The following ZC3H12B variants were observed in gnomAD, a reference collection of about 807,000 sequenced individuals.
ZC3H12B encodes the protein probable ribonuclease ZC3H12B.
ZC3H12B carries 7 observed loss-of-function variants against 43.9 expected under a neutral mutation model. The ratio of observed to expected loss-of-function variants is 0.16; its 90% confidence interval spans 0.09 to 0.30. The LOEUF (loss-of-function observed/expected upper bound fraction) is 0.30. Ranked by LOEUF, ZC3H12B falls within the 10% of genes least tolerant of loss-of-function variation. The probability of loss-of-function intolerance (pLI) is 1.00; values close to 1 mark genes in which losing one functional copy is unlikely to be tolerated. For missense variants in ZC3H12B, 475 were observed against 670.2 expected, an observed-to-expected ratio of 0.71 and a Z score of 3.22; for synonymous variants, 222 against 241.7, an observed-to-expected ratio of 0.92 and a Z score of 0.76.
At chrX:65,345,558 A>G in the ZC3H12B span, among the ~76,000 whole-genome samples, 2 of 111,339 alleles carry the variant, frequency 1.8e-5, no homozygotes, top group Non-Finnish European at 3.8e-5. Flanking sequence ...GGAGTGTGGG[A>G]GGAGGGAGAA....
chrX:65,132,808 A>G, the ZC3H12B span, among the ~76,000 whole-genome samples: 2 of 111,082 alleles, frequency 1.8e-5, no homozygotes, highest in Non-Finnish European at 3.8e-5. Context: ...GTAGTGATTA[A>G]GAAGGGGACG....
the ZC3H12B span, among the ~76,000 whole-genome samples, chrX:65,144,192 G>C: frequency 9.0e-6 from 1 of 111,573 alleles, no homozygotes; most frequent in Non-Finnish European, 1.9e-5. Flanking sequence ...TTATTGGTCT[G>C]TTCAAGGTAT....
At chrX:65,459,760 G>A (rs1477177254) in intron 3 of ZC3H12B, among the ~76,000 whole-genome samples, 1 of 111,536 alleles carries the variant, frequency 9.0e-6, no homozygotes, top group Non-Finnish European at 1.9e-5. Context: ...CATACTGAAT[G>A]GGCAAAAACT....
the ZC3H12B span, among the ~76,000 whole-genome samples, chrX:65,259,394 C>A: frequency 2.7e-5 from 3 of 111,950 alleles, no homozygotes; most frequent in Admixed American, 1.9e-4. Context: ...CCTCTTTACA[C>A]CTTATATGAA....
chrX:65,317,688 G>A, the ZC3H12B span, among the ~76,000 whole-genome samples: 3 of 106,307 alleles, frequency 2.8e-5, no homozygotes, highest in Non-Finnish European at 5.8e-5. Flanking sequence ...TTCCATCCAG[G>A]TTGCTGCCAA....
At chrX:65,459,981 C>T (rs35033971) in intron 3 of ZC3H12B, among the ~76,000 whole-genome samples, 10,188 of 111,627 alleles carry the variant, frequency 0.091, 533 homozygotes, top group Non-Finnish European at 0.14. Context: ...CCCAAAATCT[C>T]CTTAAGCTGA....
At chrX:65,065,011 C>T in the ZC3H12B span, among the ~76,000 whole-genome samples, 9 of 110,391 alleles carry the variant, frequency 8.2e-5, no homozygotes, top group Non-Finnish European at 1.1e-4. Context: ...TTTCTCCATC[C>T]CTTTATTTTC....
chrX:65,169,824 A>G, the ZC3H12B span, among the ~76,000 whole-genome samples: 2 of 111,499 alleles, frequency 1.8e-5, no homozygotes, highest in African/African-American at 3.3e-5. Context: ...TTGTTGGTTT[A>G]AAGTCTGTTT....
chrX:65,188,150 A>G, the ZC3H12B span, among the ~76,000 whole-genome samples: 1 of 111,552 alleles, frequency 9.0e-6, no homozygotes, highest in African/African-American at 3.3e-5. Context: ...ATTCATTTTT[A>G]TGGCTGAATA....
chrX:65,146,596 A>T, the ZC3H12B span, among the ~76,000 whole-genome samples: 1 of 111,717 alleles, frequency 9.0e-6, no homozygotes, highest in Non-Finnish European at 1.9e-5. Flanking sequence ...AGTCTCTGTC[A>T]GAGGGAAGGT....
the ZC3H12B span, among the ~76,000 whole-genome samples, chrX:65,096,158 C>A: frequency 7.2e-5 from 7 of 97,523 alleles, no homozygotes; most frequent in Admixed American, 1.3e-4. Context: ...TCTTTGTAAT[C>A]GAATTATATA....
chrX:65,087,399 G>A, the ZC3H12B span, among the ~76,000 whole-genome samples: 1 of 112,487 alleles, frequency 8.9e-6, no homozygotes, highest in Non-Finnish European at 1.9e-5. Flanking sequence ...ATATGGCAAA[G>A]CCAGAGACTG....
chrX:65,375,162 A>G (rs1003391628), intron 2 of ZC3H12B, among the ~76,000 whole-genome samples: 2 of 111,526 alleles, frequency 1.8e-5, no homozygotes, highest in Non-Finnish European at 1.9e-5. Flanking sequence ...GTTGAACTCA[A>G]TTTTCACAGT....
chrX:65,215,385 G>A, the ZC3H12B span, among the ~76,000 whole-genome samples: 1 of 111,445 alleles, frequency 9.0e-6, no homozygotes, highest in Non-Finnish European at 1.9e-5. Flanking sequence ...CTAGATCTGG[G>A]AAACTTGCAG....
chrX:65,258,209 C>A, the ZC3H12B span, among the ~76,000 whole-genome samples: 1 of 111,697 alleles, frequency 9.0e-6, no homozygotes, highest in African/African-American at 3.3e-5. Flanking sequence ...CATCAAAAAG[C>A]TAATCCACCA....
At chrX:65,423,546 C>T (rs768209008) in intron 3 of ZC3H12B, among the ~76,000 whole-genome samples, 8 of 112,166 alleles carry the variant, frequency 7.1e-5, no homozygotes, top group East Asian at 2.8e-4. Context: ...TAATGATCAC[C>T]GTTCTAACTG....
the ZC3H12B span, among the ~76,000 whole-genome samples, chrX:65,233,248 C>T: frequency 6.3e-5 from 7 of 111,351 alleles, no homozygotes; most frequent in African/African-American, 2.3e-4. Flanking sequence ...ACCAAATGGG[C>T]CAAATAGACA....
the ZC3H12B span, among the ~76,000 whole-genome samples, chrX:65,138,846 A>G: frequency 1.8e-5 from 2 of 112,193 alleles, no homozygotes; most frequent in African/African-American, 6.5e-5. Flanking sequence ...TTAGTGATGT[A>G]GATCACCTCT....
the ZC3H12B span, among the ~76,000 whole-genome samples, chrX:65,325,005 C>T: frequency 7.2e-5 from 8 of 110,784 alleles, no homozygotes; most frequent in African/African-American, 2.3e-4. Context: ...TGTATATATT[C>T]TTTTAACAAA....
Sources: allele counts gnomAD v4.1 joint callset (sites outside exome capture counted in the v4.1 genomes callset), GRCh38; gene constraint gnomAD v4.1.1; transcripts MANE v1.5; gene names NCBI Gene and HGNC (gene_info 2026-07-23, HGNC 2026-07-21).